The following CT55 variants were observed in gnomAD, a reference collection of about 807,000 sequenced individuals.
CT55 encodes the protein cancer/testis antigen 55.
Under a neutral mutation model 12.6 loss-of-function variants are expected in CT55, and 1 was observed. The ratio of observed to expected loss-of-function variants is 0.08; its 90% CI spans 0.03 to 0.38. The LOEUF is 0.38. Ranked by LOEUF, CT55 falls within the 10% of genes least tolerant of loss-of-function variation. CT55 has a pLI of 0.99. For synonymous variants in CT55, 43 were observed against 49.7 expected (o/e 0.87, Z 0.57); for missense variants, 109 against 135.4 (o/e 0.80, Z 0.97).
At chrX:135,167,328 C>G (rs1349602871) in intron 2 of CT55, among the ~76,000 whole-genome samples, 1 of 111,716 alleles carries the variant, frequency 9.0e-6, no homozygotes, top group East Asian at 2.8e-4. Flanking sequence ...ACAAAAGGCC[C>G]GAGAACACAC....
At chrX:135,168,043 A>G (rs1250520226) in intron 2 of CT55, among the ~76,000 whole-genome samples, 3 of 112,002 alleles carry the variant, frequency 2.7e-5, no homozygotes, top group Non-Finnish European at 5.6e-5. Context: ...ACATTCCCCA[A>G]TATTTTAACA....
rs782198475 is a variant in CT55, at chrX:135,164,026, C to A, written c.280-3471G>T. The stretch of plus-strand genomic sequence containing the variant: ...GAAATTTCCTCACCACCGCAACTGT[C>A]TTACAAGAAATGCTAGGGAGAGTTC... On this transcript the variant is annotated intron_variant, in intron 2 of 5. Transcript: ENST00000276241. 1.1e-4 allele frequency among the ~76,000 whole-genome samples: 12 copies of A among 111,878 alleles called. No individual in the cohort carries two copies. The South Asian group carries it at 4.5e-3, about 42-fold the overall frequency.
In CT55 at chrX:135,171,369, C is replaced by T. The variant is rs1556406821; in HGVS notation, c.-198G>A. Reference sequence around the variant, plus strand: ...AGGGACACCGCAGCCTCCAAAGGAGCTCCCAGCTTCTCCGCTGACTTCTCC... The same window carrying T: ...AGGGACACCGCAGCCTCCAAAGGAGTTCCCAGCTTCTCCGCTGACTTCTCC... On this transcript the variant is annotated 5_prime_UTR_variant, in exon 1 of 6. Transcript: ENST00000276241. 1.6e-5 allele frequency: 12 copies of T among 738,768 alleles called. No individual in the cohort carries two copies. The East Asian group carries it at 4.2e-4, about 26-fold the overall frequency. 60.9% of individuals were successfully genotyped at this position (738,768 alleles called of 1,213,427 possible).
chrX:135,171,803 A>G (rs2083613363), upstream of CT55, among the ~76,000 whole-genome samples: 2 of 111,969 alleles, frequency 1.8e-5, no homozygotes, highest in Admixed American at 9.4e-5. Flanking sequence ...GATGGCAAGT[A>G]CGTGTCTTGT....
chrX:135,167,576 G>A (rs2083591511), intron 2 of CT55, among the ~76,000 whole-genome samples: 1 of 110,731 alleles, frequency 9.0e-6, no homozygotes, highest in Non-Finnish European at 1.9e-5. Context: ...AAAAGCAAAG[G>A]CAAGAAAAGG....
At chrX:135,164,807 G>C (rs1406359665) in intron 2 of CT55, among the ~76,000 whole-genome samples, 1 of 112,280 alleles carries the variant, frequency 8.9e-6, no homozygotes, top group Non-Finnish European at 1.9e-5. Context: ...ATAAAATAGA[G>C]TTTAAATCAC....
intron 2 of CT55, among the ~76,000 whole-genome samples, chrX:135,166,535 A>G (rs781829906): frequency 2.7e-5 from 3 of 112,120 alleles, no homozygotes; most frequent in Admixed American, 1.9e-4. Flanking sequence ...CTTTTCCTCT[A>G]AGACCTGGAA....
In CT55 at chrX:135,159,925, A is replaced by AAC. The variant is rs57481039; in HGVS notation, c.424+484_424+485dup. On this transcript the variant is annotated intron_variant, in intron 3 of 5. Transcript: ENST00000276241. ...CCGATTACAAAGAGAATTCAACAAC[A>AAC]ACACACACACACACACACACACACA... Among the ~76,000 whole-genome samples, 1,660 of 105,393 alleles carry AAC rather than the reference A, an allele frequency of 0.016. 50 individuals carry two copies. In the East Asian group the frequency reaches 0.17, roughly 11 times the overall value. The allele number at this position is 105,393 out of a possible 115,157, so 91.5% of individuals were successfully genotyped here.
rs2083610380 is a variant in CT55, at chrX:135,171,352, C to T, written c.-181G>A. On this transcript the variant is annotated 5_prime_UTR_variant, in exon 1 of 6. Transcript: ENST00000276241. ...CCCCCCTCAGGAGAGTCAGGGACAC[C>T]GCAGCCTCCAAAGGAGCTCCCAGCT... is the stretch of plus-strand genomic sequence containing the variant. 5 of 887,918 alleles carry T rather than the reference C, an allele frequency of 5.6e-6. No individual in the cohort carries two copies. Among genetic ancestry groups the T allele is most frequent in the Non-Finnish European group, 7.5e-6 (5 of 668,758 alleles). 73.2% of individuals were successfully genotyped at this position (887,918 alleles called of 1,213,427 possible). A position where few individuals can be genotyped will look rare whatever the true frequency, so the allele number is the denominator to read the frequency against.
chrX:135,169,718 A>T lies in CT55; in HGVS notation c.155T>A (p.Met52Lys), dbSNP rs1417857674. The T allele has an allele frequency of 2.5e-6, 3 of 1,207,203 alleles. No individual in the cohort carries two copies. The highest frequency in any genetic ancestry group is 3.4e-6 in the Non-Finnish European group (3 of 893,371). Residue 52 changes from methionine (M) to lysine (K), a missense_variant, in exon 2 of 6, where the codon ATG becomes AAG. Transcript: ENST00000276241. ...ACTGAAGTAGATCGACTCATCAATCATGCCATAATCACCACAGAAACTTGT... is the reference window on the plus strand; with the variant it reads ...ACTGAAGTAGATCGACTCATCAATCTTGCCATAATCACCACAGAAACTTGT... Reference protein sequence around the residue: ...VVTSFCGDYGMIDESIYFSSD... With the variant: ...VVTSFCGDYGKIDESIYFSSD...
At chrX:135,170,848 T>A (rs1365646771) in intron 1 of CT55, among the ~76,000 whole-genome samples, 12 of 111,933 alleles carry the variant, frequency 1.1e-4, no homozygotes, top group African/African-American at 3.9e-4. Flanking sequence ...CCCAAGGTCT[T>A]CTCTGTCAAC....
chrX:135,166,277 T>C (rs183081061), intron 2 of CT55, among the ~76,000 whole-genome samples: 235 of 111,177 alleles, frequency 2.1e-3, no homozygotes, highest in Non-Finnish European at 3.0e-3. Flanking sequence ...GAGGACTTCA[T>C]CCCTGGGATG....
chrX:135,158,351 T>G, intron 3 of CT55, 40 bp from the exon 4 acceptor site: 1 of 831,816 alleles, frequency 1.2e-6, no homozygotes, highest in Non-Finnish European at 1.8e-6. Context: ...CATGATCTCT[T>G]AACTAGGTCA....
At chrX:135,167,720 C>T (rs1291986978) in intron 2 of CT55, among the ~76,000 whole-genome samples, 1 of 109,574 alleles carries the variant, frequency 9.1e-6, no homozygotes, top group African/African-American at 3.3e-5. Flanking sequence ...GGGTCAGTTT[C>T]CAAAATGTAA....
Position 135,171,346 on chromosome X carries a change from G to A in CT55, c.-175C>T. The A allele has an allele frequency of 1.1e-6, 1 of 914,757 alleles. No homozygotes were observed. Among genetic ancestry groups the A allele is most frequent in the Non-Finnish European group, 1.4e-6 (1 of 691,526 alleles). 75.4% of individuals were successfully genotyped at this position (914,757 alleles called of 1,213,427 possible). A position where few individuals can be genotyped will look rare whatever the true frequency, so the allele number is the denominator to read the frequency against. Reference sequence around the variant, plus strand: ...AGTGAGCCCCCCTCAGGAGAGTCAGGGACACCGCAGCCTCCAAAGGAGCTC... The same window carrying A: ...AGTGAGCCCCCCTCAGGAGAGTCAGAGACACCGCAGCCTCCAAAGGAGCTC... On this transcript the variant is annotated 5_prime_UTR_variant, in exon 1 of 6. Transcript: ENST00000276241.
At chrX:135,164,479 T>C (rs1381643246) in intron 2 of CT55, among the ~76,000 whole-genome samples, 4 of 111,624 alleles carry the variant, frequency 3.6e-5, no homozygotes, top group Non-Finnish European at 7.6e-5. Context: ...GAAAAATCTC[T>C]TATCCATCAA....
intron 2 of CT55, among the ~76,000 whole-genome samples, chrX:135,162,053 G>A (rs1243863006): frequency 2.7e-5 from 3 of 112,219 alleles, no homozygotes; most frequent in Non-Finnish European, 3.8e-5. Context: ...CACAACAGCC[G>A]GTACAAATAG....
intron 2 of CT55, among the ~76,000 whole-genome samples, chrX:135,160,946 G>C (rs2083559940): frequency 9.0e-6 from 1 of 111,502 alleles, no homozygotes; most frequent in Non-Finnish European, 1.9e-5. Flanking sequence ...ATTATCTAGA[G>C]GGAGAACATT....
At chrX:135,166,123 A>G (rs1359131932) in intron 2 of CT55, among the ~76,000 whole-genome samples, 2 of 108,563 alleles carry the variant, frequency 1.8e-5, no homozygotes. Context: ...CCTGGTAGAA[A>G]ACCCAGATGA....
Sources: allele counts gnomAD v4.1 joint callset (sites outside exome capture counted in the v4.1 genomes callset), GRCh38; gene constraint gnomAD v4.1.1; transcripts MANE v1.5; gene names NCBI Gene and HGNC (gene_info 2026-07-23, HGNC 2026-07-21).